Variants in ARID2 observed in about 807,000 individuals in gnomAD.
The protein encoded by ARID2 is AT-rich interaction domain 2, also known as AT-rich interactive domain-containing protein 2.
Under a neutral mutation model 184.6 loss-of-function variants are expected in ARID2, and 32 were observed. That is an observed-to-expected ratio of 0.17 (90% CI 0.13 to 0.23). The LOEUF (loss-of-function observed/expected upper bound fraction) is 0.23. Among genes scored for constraint, ARID2 ranks in the 10% least tolerant of loss-of-function variants. The probability of loss-of-function intolerance (pLI) is 1.00; values close to 1 mark genes in which losing one functional copy is unlikely to be tolerated. For missense variants in ARID2, 1,696 were observed against 2,197.6 expected (o/e 0.77, Z 4.56); for synonymous variants, 836 against 772.6 (o/e 1.08, Z -1.36).
intron 16 of ARID2, among the ~76,000 whole-genome samples, chr12:45,888,719 T>G (rs1944239901): frequency 6.6e-6 from 1 of 152,238 alleles, no homozygotes; most frequent in Non-Finnish European, 1.5e-5. Context: ...TAAAACTAGA[T>G]TCTCAGTGAG....
At chr12:45,870,113 G>A (rs1943898993) in intron 16 of ARID2, among the ~76,000 whole-genome samples, 1 of 151,862 alleles carries the variant, frequency 6.6e-6, no homozygotes, top group South Asian at 2.1e-4. Context: ...AGCCTCCTGA[G>A]TAGCTGGGAC....
At chr12:45,741,364 G>T (rs915348779) in intron 3 of ARID2, among the ~76,000 whole-genome samples, 2 of 151,916 alleles carry the variant, frequency 1.3e-5, no homozygotes, top group African/African-American at 2.4e-5. Context: ...TGCCCAGCTA[G>T]TTTTTTGTAG....
chr12:45,894,341 T>C (rs968642608), intron 20 of ARID2, among the ~76,000 whole-genome samples: 1 of 152,246 alleles, frequency 6.6e-6, no homozygotes, highest in African/African-American at 2.4e-5. Context: ...GGGCCGCCTC[T>C]CTGCGAAATT....
rs201031100 is a variant in ARID2 at position 45,836,742 on chromosome 12, A to G, written c.774A>G (p.Glu258=). Residue 258 remains glutamate (E), a splice_region_variant and synonymous_variant, in exon 8 of 21, where the codon GAA becomes GAG. Coordinates refer to ENST00000334344, the MANE Select transcript of ARID2 (RefSeq NM_152641.4). ...DLISDRNKSH[E]GTSGEWIWES... is the part of the protein sequence containing the mutation. ...TGAAATATGTATTTTCTATTGTAGAAGGTACATCAGGAGAATGGATTTGGG... is the reference window on the plus strand; with the variant it reads ...TGAAATATGTATTTTCTATTGTAGAGGGTACATCAGGAGAATGGATTTGGG... 40 of 1,610,430 alleles carry G rather than the reference A, an allele frequency of 2.5e-5. No individual in the cohort carries two copies. The African/African-American group carries it at 3.9e-4, about 16-fold the overall frequency.
chr12:45,786,427 A>G (rs1942197211), intron 3 of ARID2, among the ~76,000 whole-genome samples: 1 of 152,238 alleles, frequency 6.6e-6, no homozygotes, highest in Non-Finnish European at 1.5e-5. Context: ...AAAATATGAA[A>G]GCTATCACTG....
chr12:45,762,213 A>G (rs1487434597), intron 3 of ARID2, among the ~76,000 whole-genome samples: 1 of 151,844 alleles, frequency 6.6e-6, no homozygotes, highest in South Asian at 2.1e-4. Context: ...TATCTCTTTA[A>G]TTTTTCCCAT....
At chr12:45,849,080 A>G in intron 13 of ARID2, 110 bp downstream of exon 13, 2 of 1,289,860 alleles carry the variant, frequency 1.6e-6, no homozygotes, top group Non-Finnish European at 2.1e-6. Context: ...TTCTACTACT[A>G]GAAGTTTCGT....
rs77551603 is a variant in ARID2 at position 45,790,487 on chromosome 12, C to T, written c.285-20931C>T. On this transcript the variant is annotated intron_variant, in intron 3 of 20. Coordinates refer to ENST00000334344, the MANE Select transcript of ARID2 (RefSeq NM_152641.4). ...TTTTAAATTGTTTATGTGGTTCTCT[C>T]AGTACTGTTTTATGATTTTCTTTGT... 8.8e-3 allele frequency among the ~76,000 whole-genome samples: 1,335 copies of T among 152,212 alleles called. 18 individuals are homozygous for T. The highest frequency in any genetic ancestry group is 0.031 in the African/African-American group (1,271 of 41,532).
At position 45,804,582 on chromosome 12, in the gene ARID2, C is replaced by T. The variant is rs568914347; in HGVS notation, c.285-6836C>T. On this transcript the variant is annotated intron_variant, in intron 3 of 20. Transcript: ENST00000334344. ...GGTTTTACTGGATTACGATTTTCAGCATAGCTTCCAATCTTTTTCTATAGT... is the reference window on the plus strand; with the variant it reads ...GGTTTTACTGGATTACGATTTTCAGTATAGCTTCCAATCTTTTTCTATAGT... Among the ~76,000 whole-genome samples the T allele has an allele frequency of 4.6e-5, 7 of 151,844 alleles. No homozygotes were observed. In the South Asian group the frequency reaches 1.5e-3, roughly 32 times the overall value.
At position 45,852,007 on chromosome 12, in the gene ARID2, A is replaced by G. The variant is rs775650392; in HGVS notation, c.3884A>G (p.Asn1295Ser). ...ENEMHVGSLL[N>S]GRKYSDSSLP... The stretch of plus-strand genomic sequence containing the variant: ...GAAATGCATGTGGGAAGTCTTTTAA[A>G]TGGGAGAAAGTACAGTGACTCAAGT... The change falls in exon 15 of 21, where the codon AAT becomes AGT. Residue 1295 changes from asparagine (N) to serine (S), a missense_variant. Around this residue, in one of 11 missense-constraint regions of ARID2, gnomAD observed 428 missense variants for 409.1 expected, o/e 1.05. Transcript: ENST00000334344. 33 of 1,614,020 alleles carry G rather than the reference A, an allele frequency of 2.0e-5. No individual in the cohort carries two copies. The highest frequency in any genetic ancestry group is 2.7e-5 in the Non-Finnish European group (32 of 1,180,010).
intron 3 of ARID2, among the ~76,000 whole-genome samples, chr12:45,752,901 C>CA (rs2137996826): frequency 6.6e-6 from 1 of 152,336 alleles, no homozygotes; most frequent in East Asian, 1.9e-4. Flanking sequence ...GTAAAGACAT[C>CA]ATGTAGTTTA....
At chr12:45,839,246 A>T (rs2138135970) in intron 10 of ARID2, 83 bp from the exon 11 acceptor site, 1 of 1,236,660 alleles carries the variant, frequency 8.1e-7, no homozygotes, top group South Asian at 1.5e-5. Context: ...ATTGATAAGT[A>T]TTCTGTACAA....
Position 45,831,180 on chromosome 12 carries a change from G to A in ARID2, c.706-5409G>A, listed in dbSNP as rs549458865. On this transcript the variant is annotated intron_variant, in intron 6 of 20. Coordinates refer to ENST00000334344, the MANE Select transcript of ARID2 (RefSeq NM_152641.4). ...TTGCTGCACTTTTTCTAACTTGTTAGGAATTAGAGCTGGTGCTTACACGAT... is the reference window on the plus strand; with the variant it reads ...TTGCTGCACTTTTTCTAACTTGTTAAGAATTAGAGCTGGTGCTTACACGAT... 2.0e-4 allele frequency among the ~76,000 whole-genome samples: 31 copies of A among 152,206 alleles called. No individual in the cohort carries two copies. The South Asian group carries it at 3.1e-3, about 15-fold the overall frequency.
intron 15 of ARID2, among the ~76,000 whole-genome samples, chr12:45,857,411 A>G (rs1943669141): frequency 6.6e-6 from 1 of 152,210 alleles, no homozygotes; most frequent in African/African-American, 2.4e-5. Context: ...TTCTAAGAGT[A>G]CTGCCACTCA....
intron 16 of ARID2, among the ~76,000 whole-genome samples, chr12:45,879,831 A>T (rs906325757): frequency 2.6e-5 from 4 of 152,244 alleles, no homozygotes; most frequent in Admixed American, 2.6e-4. Flanking sequence ...GTGTGATTGT[A>T]TAAAACATTT....
At chr12:45,729,960 G>T in intron 1 of ARID2, 32 bp downstream of exon 1, 2 of 1,603,174 alleles carry the variant, frequency 1.2e-6, no homozygotes, top group South Asian at 2.2e-5. Flanking sequence ...CAGCGCCGGG[G>T]CGAGCCGGGG....
intron 3 of ARID2, 127 bp from the exon 4 acceptor site, chr12:45,811,291 G>C: frequency 9.9e-7 from 1 of 1,013,160 alleles, no homozygotes; most frequent in Non-Finnish European, 1.4e-6. Context: ...TAATATAAGA[G>C]GTTTATGGTA....
intron 3 of ARID2, among the ~76,000 whole-genome samples, chr12:45,758,225 T>TTAAG (rs199616081): frequency 0.01 from 1,574 of 152,300 alleles, 18 homozygotes; most frequent in South Asian, 0.023. Context: ...AGGCATTTCA[T>TTAAG]TAAGTAAGGG....
intron 3 of ARID2, among the ~76,000 whole-genome samples, chr12:45,777,738 G>A (rs1031954466): frequency 6.0e-5 from 9 of 150,392 alleles, no homozygotes; most frequent in East Asian, 1.9e-4. Flanking sequence ...TAGCGTTGTC[G>A]TAGATTATAG....
Sources: gnomAD v4.1 joint callset for allele counts (sites outside exome capture counted in the v4.1 genomes callset) on GRCh38, gnomAD v4.1.1 for gene constraint, gnomAD v4.1.1 regional missense constraint, MANE v1.5 for transcripts, NCBI Gene and HGNC (gene_info 2026-07-23, HGNC 2026-07-21) for gene names.